The following SEMA4A variants were observed in gnomAD, a reference collection of about 807,000 sequenced individuals.
SEMA4A encodes semaphorin-4A.
A neutral mutation model predicts 72.5 loss-of-function variants in SEMA4A; 52 were observed. That is an observed-to-expected ratio of 0.72 (90% confidence interval 0.57 to 0.90). The LOEUF is 0.90. SEMA4A is among the 40% of genes least tolerant of loss of function. The pLI, the probability that SEMA4A is intolerant of heterozygous loss-of-function variation, is 0.00. For missense variants in SEMA4A, 926 were observed against 959.7 expected (o/e 0.96, Z 0.46); for synonymous variants, 369 against 393.1 (o/e 0.94, Z 0.73).
Position 156,154,571 on chromosome 1 carries a change from G to A in SEMA4A, c.-8G>A. ...CCAGAGCTCCCTGGTGACAGTCTGT[G>A]GCTGAGCATGGCCCTCCCAGCCCTG... On this transcript the variant is annotated 5_prime_UTR_variant, in exon 2 of 15. Transcript: ENST00000368285. The A allele has an allele frequency of 1.2e-6, 2 of 1,608,588 alleles. No individual in the cohort carries two copies. The highest frequency in any genetic ancestry group is 1.7e-6 in the Non-Finnish European group (2 of 1,179,110).
At chr1:156,171,249 C>T (rs1030852208) in intron 10 of SEMA4A, among the ~76,000 whole-genome samples, 8 of 152,196 alleles carry the variant, frequency 5.3e-5, no homozygotes, top group African/African-American at 1.9e-4. Flanking sequence ...TAAGACAGTG[C>T]TCTTGGAGAA....
chr1:156,161,889 C>G (rs1190271939), intron 9 of SEMA4A, among the ~76,000 whole-genome samples: 1 of 152,152 alleles, frequency 6.6e-6, no homozygotes, highest in Non-Finnish European at 1.5e-5. Context: ...TAGGATAGTC[C>G]CTGGATGCCA....
At chr1:156,158,522 G>A (rs1653262983) in intron 5 of SEMA4A, 36 bp downstream of exon 5, 5 of 1,530,752 alleles carry the variant, frequency 3.3e-6, no homozygotes, top group Middle Eastern at 1.7e-4. Context: ...AGGCCCCCAA[G>A]CATCCCTTCT....
chr1:156,163,140 G>A (rs771845181), intron 10 of SEMA4A, 46 bp downstream of exon 10: 6 of 1,610,118 alleles, frequency 3.7e-6, no homozygotes, highest in Non-Finnish European at 5.1e-6. Context: ...CATACATAAT[G>A]TGCATGAAAA....
chr1:156,156,875 C>T (rs1313750368), intron 3 of SEMA4A, among the ~76,000 whole-genome samples: 1 of 151,794 alleles, frequency 6.6e-6, no homozygotes, highest in Non-Finnish European at 1.5e-5. Context: ...TCCCAAGTAG[C>T]TGGCACTAGC....
chr1:156,176,273 G>T, intron 14 of SEMA4A, 132 bp from the exon 15 acceptor site: 1 of 707,332 alleles, frequency 1.4e-6, no homozygotes, highest in Non-Finnish European at 2.4e-6. Context: ...TCCAGCCTGG[G>T]CAATAGAGCC....
chr1:156,171,410 C>G (rs1427710650), intron 10 of SEMA4A, among the ~76,000 whole-genome samples: 1 of 152,182 alleles, frequency 6.6e-6, no homozygotes, highest in Non-Finnish European at 1.5e-5. Context: ...CTCCCAGAGT[C>G]ATGCAGCAAG....
intron 10 of SEMA4A, 100 bp from the exon 11 acceptor site, chr1:156,172,726 G>C (rs1654918269): frequency 9.0e-7 from 1 of 1,116,210 alleles, no homozygotes; most frequent in South Asian, 1.3e-5. Context: ...AATGAGGACT[G>C]CCATGAGGGA....
intron 13 of SEMA4A, 94 bp from the exon 14 acceptor site, chr1:156,175,462 T>C (rs1236882394): frequency 8.6e-7 from 1 of 1,162,902 alleles, no homozygotes; most frequent in Non-Finnish European, 1.3e-6. Flanking sequence ...TCCCCTGGCC[T>C]ACCTTCTTCC....
chr1:156,158,636 C>A, intron 5 of SEMA4A, 83 bp from the exon 6 acceptor site: 1 of 1,348,468 alleles, frequency 7.4e-7, no homozygotes, highest in Non-Finnish European at 1.1e-6. Flanking sequence ...CCTCTATGTC[C>A]CTTTCCCTTC....
At position 156,176,314 on chromosome 1, in the gene SEMA4A, G is replaced by A. The variant is rs905837912; in HGVS notation, c.1694-91G>A. 12 of 991,672 alleles carry A rather than the reference G, an allele frequency of 1.2e-5. No individual in the cohort carries two copies. The African/African-American group carries it at 1.5e-4, about 12-fold the overall frequency. The allele number at this position is 991,672 out of a possible 1,614,324, so 61.4% of individuals were successfully genotyped here. ...CTGCCTCAAAAAAAAAAAAAAAAGAGGGCTGGGGTCCAAAGATAGGTTAGA... is the reference window on the plus strand; with the variant it reads ...CTGCCTCAAAAAAAAAAAAAAAAGAAGGCTGGGGTCCAAAGATAGGTTAGA... On this transcript the variant is annotated intron_variant, in intron 14 of 14. Transcript: ENST00000368285.
chr1:156,149,243 C>T (rs945928330), upstream of SEMA4A, among the ~76,000 whole-genome samples: 6 of 152,174 alleles, frequency 3.9e-5, no homozygotes, highest in South Asian at 2.1e-4. Context: ...CCATACAAAC[C>T]GCTGCCTGCC....
Position 156,175,590 on chromosome 1 carries a change from C to G in SEMA4A, c.1627C>G (p.Pro543Ala). The change falls in exon 14 of 15, where the codon CCA becomes GCA. Residue 543 changes from proline (P) to alanine (A), a missense_variant. Pro to Ala is a conservative substitution (Grantham distance 27). Coordinates refer to ENST00000368285, the MANE Select transcript of SEMA4A (RefSeq NM_022367.4). ...SWKQDMERGN[P>A]EWACASGPMS... ...GAAGCAGGACATGGAGCGGGGGAAC[C>G]CAGAGTGGGCATGTGCCAGTGGCCC... 6.2e-7 allele frequency: 1 copy of G among 1,613,700 alleles called. No homozygotes were observed. The highest frequency in any genetic ancestry group is 2.2e-5 in the East Asian group (1 of 44,872).
rs35927446 is a variant in SEMA4A, at chr1:156,170,460, C to CAA, written c.1135-2343_1135-2342dup. Reference sequence around the variant, plus strand: ...CCTGGGCAACAGAGCGATACTGTCTCAAAAAAAAAAAAAAAAAAAAAAAAG... The same window carrying CAA: ...CCTGGGCAACAGAGCGATACTGTCTCAAAAAAAAAAAAAAAAAAAAAAAAAAG... On this transcript the variant is annotated intron_variant, in intron 10 of 14. Coordinates refer to ENST00000368285, the MANE Select transcript of SEMA4A (RefSeq NM_022367.4). Among the ~76,000 whole-genome samples the CAA allele has an allele frequency of 4.2e-3, 168 of 40,078 alleles. 1 individual carries two copies. The highest frequency in any genetic ancestry group is 5.6e-3 in the African/African-American group (54 of 9,592). The allele number at this position is 40,078 out of a possible 152,430, so 26.3% of individuals were successfully genotyped here.
At chr1:156,161,317 GC>G in intron 8 of SEMA4A, 28 bp from the exon 9 acceptor site, 32 of 1,535,462 alleles carry the variant, frequency 2.1e-5, no homozygotes, top group Non-Finnish European at 2.7e-5. Context: ...GGCGCCCGGG[GC>G]GCCCCCTGAC....
Position 156,176,791 on chromosome 1 carries a change from G to A in SEMA4A, c.2080G>A (p.Val694Met). The change falls in exon 15 of 15, where the codon GTG becomes ATG. Residue 694 changes from valine (V) to methionine (M), a missense_variant. Val to Met is a conservative substitution (Grantham distance 21). Coordinates refer to ENST00000368285, the MANE Select transcript of SEMA4A (RefSeq NM_022367.4). ...FVTVTVLFAL[V>M]LSGALIILVA... ...CACTGTCACTGTCCTCTTTGCCTTA[G>A]TGCTTTCAGGAGCCCTCATCATCCT... The A allele has an allele frequency of 6.2e-7, 1 of 1,613,678 alleles. No homozygotes were observed. Among genetic ancestry groups the A allele is most frequent in the African/African-American group, 1.3e-5 (1 of 75,046 alleles).
upstream of SEMA4A, among the ~76,000 whole-genome samples, chr1:156,150,587 G>C (rs1652455478): frequency 6.6e-6 from 1 of 152,058 alleles, no homozygotes. Flanking sequence ...CGTGAAGCCA[G>C]GAGTTGCTTC....
rs948726148 is a variant in SEMA4A, at chr1:156,176,340, G to C, written c.1694-65G>C. On this transcript the variant is annotated intron_variant, in intron 14 of 14. Coordinates refer to ENST00000368285, the MANE Select transcript of SEMA4A (RefSeq NM_022367.4). ...GGCTGGGGTCCAAAGATAGGTTAGAGACTCTCTCCTGTCTCCATCCTTCAC... is the reference window on the plus strand; with the variant it reads ...GGCTGGGGTCCAAAGATAGGTTAGACACTCTCTCCTGTCTCCATCCTTCAC... 57 of 1,218,436 alleles carry C rather than the reference G, an allele frequency of 4.7e-5. 1 individual carries two copies. Among genetic ancestry groups the C allele is most frequent in the Non-Finnish European group, 6.6e-5 (55 of 839,256 alleles). The allele number at this position is 1,218,436 out of a possible 1,614,324, so 75.5% of individuals were successfully genotyped here. A position where few individuals can be genotyped will look rare whatever the true frequency, so the allele number is the denominator to read the frequency against.
chr1:156,148,169 A>C (rs1652244121), upstream of SEMA4A, among the ~76,000 whole-genome samples: 1 of 152,146 alleles, frequency 6.6e-6, no homozygotes, highest in Non-Finnish European at 1.5e-5. Flanking sequence ...GGAAGAAAAT[A>C]GGGGCAGGGA....
Sources: allele counts gnomAD v4.1 joint callset (sites outside exome capture counted in the v4.1 genomes callset), GRCh38; gene constraint gnomAD v4.1.1; transcripts MANE v1.5; gene names NCBI Gene and HGNC (gene_info 2026-07-23, HGNC 2026-07-21).